Variants in PCM1 observed in about 807,000 individuals in gnomAD.
PCM1 encodes pericentriolar material 1.
PCM1 carries 157 observed loss-of-function variants against 241.9 expected under a neutral mutation model. That is an observed-to-expected ratio of 0.65 (90% CI 0.57 to 0.74). The LOEUF (loss-of-function observed/expected upper bound fraction) is 0.74, where lower values mean the gene tolerates loss of function less well. Ranked by LOEUF, PCM1 falls within the 30% of genes least tolerant of loss-of-function variation. The pLI is 0.00. For synonymous variants in PCM1, 1,085 were observed against 784.9 expected, an observed-to-expected ratio of 1.38 and a Z score of -6.39; for missense variants, 3,478 against 2,360.1, an observed-to-expected ratio of 1.47 and a Z score of -9.81.
At chr8:18,024,530 G>T (rs928573156) in intron 36 of PCM1, among the ~76,000 whole-genome samples, 2 of 152,060 alleles carry the variant, frequency 1.3e-5, no homozygotes, top group African/African-American at 4.8e-5. Context: ...AAAATTACTG[G>T]TTAGATTTAT....
intron 36 of PCM1, 100 bp downstream of exon 36, chr8:18,014,940 T>G (rs2092980225): frequency 9.2e-7 from 1 of 1,089,680 alleles, no homozygotes; most frequent in Admixed American, 2.6e-5. Context: ...CATTTTGTGT[T>G]TAGGTTTAGA....
At chr8:17,955,396 C>A in intron 9 of PCM1, 74 bp from the exon 10 acceptor site, 1 of 1,016,710 alleles carries the variant, frequency 9.8e-7, no homozygotes, top group Non-Finnish European at 1.4e-6. Flanking sequence ...TTTTCAATAT[C>A]CAAGCCAACT....
chr8:17,991,932 T>C (rs1173067576), intron 28 of PCM1, among the ~76,000 whole-genome samples: 2 of 152,176 alleles, frequency 1.3e-5, no homozygotes, highest in African/African-American at 4.8e-5. Context: ...TAGCTACCAC[T>C]TATGAGTGAG....
At chr8:18,013,529 G>A (rs924169394) in intron 34 of PCM1, among the ~76,000 whole-genome samples, 2 of 152,260 alleles carry the variant, frequency 1.3e-5, no homozygotes, top group African/African-American at 4.8e-5. Context: ...TTCATCTCCA[G>A]CTCCTGCCCC....
Position 17,940,264 on chromosome 8 carries a change from C to T in PCM1, c.783+403C>T, listed in dbSNP as rs945972106. The T allele has an allele frequency of 1.4e-5, 9 of 620,906 alleles. 1 individual carries two copies. The highest frequency in any genetic ancestry group is 8.1e-5 in the South Asian group (4 of 49,320). 38.5% of individuals were successfully genotyped at this position (620,906 alleles called of 1,614,324 possible). A position where few individuals can be genotyped will look rare whatever the true frequency, so the allele number is the denominator to read the frequency against. On this transcript the variant is annotated intron_variant, in intron 6 of 38. Coordinates refer to ENST00000325083, the MANE Select transcript of PCM1 (RefSeq NM_006197.4). ...GGCGTTCCTTAATGAAAAGTGTATTCCAGGGAAGAACCCCTCAAATTGTTA... is the reference window on the plus strand; with the variant it reads ...GGCGTTCCTTAATGAAAAGTGTATTTCAGGGAAGAACCCCTCAAATTGTTA...
chr8:17,980,269 C>T (rs1016640330), intron 23 of PCM1: 6 of 188,380 alleles, frequency 3.2e-5, no homozygotes, highest in Non-Finnish European at 6.5e-5. Context: ...TCTTATGTCT[C>T]CTAATATTAA....
intron 29 of PCM1, 26 bp from the exon 30 acceptor site, chr8:18,006,237 T>A: frequency 6.4e-7 from 1 of 1,566,866 alleles, no homozygotes; most frequent in Non-Finnish European, 8.7e-7. Flanking sequence ...TAAGTTTATA[T>A]TCTAACCAAC....
At chr8:17,942,981 A>G (rs1456285331) in intron 6 of PCM1, among the ~76,000 whole-genome samples, 1 of 144,104 alleles carries the variant, frequency 6.9e-6, no homozygotes, top group Non-Finnish European at 1.5e-5. Context: ...TGGGTGACAG[A>G]ACGAGACTCT....
intron 2 of PCM1, among the ~76,000 whole-genome samples, chr8:17,934,423 G>A (rs191602525): frequency 6.6e-6 from 1 of 151,828 alleles, no homozygotes; most frequent in East Asian, 1.9e-4. Context: ...CACCACACCC[G>A]GCTAATTTTG....
At chr8:17,941,114 C>G (rs760224446) in intron 6 of PCM1, among the ~76,000 whole-genome samples, 3 of 152,192 alleles carry the variant, frequency 2.0e-5, no homozygotes, top group Non-Finnish European at 2.9e-5. Context: ...ACTTAGAGAG[C>G]CTGATCCAAA....
At chr8:17,974,677 G>C (rs1435415491) in intron 23 of PCM1, among the ~76,000 whole-genome samples, 1 of 151,960 alleles carries the variant, frequency 6.6e-6, no homozygotes, top group East Asian at 1.9e-4. Context: ...CTTTATTCTC[G>C]GGAATTACTT....
chr8:17,979,397 C>T (rs1246220415), intron 23 of PCM1, among the ~76,000 whole-genome samples: 1 of 152,064 alleles, frequency 6.6e-6, no homozygotes, highest in South Asian at 2.1e-4. Flanking sequence ...TAAGAAAGCC[C>T]AAGAGATACT....
At position 17,962,119 on chromosome 8, in the gene PCM1, C is replaced by G. The variant is rs182841838; in HGVS notation, c.2408C>G (p.Thr803Ser). The part of the protein sequence containing the change: ...TSTPTVNQHE[T>S]STSKSVFEPE... ...ACCCCAACTGTTAATCAACACGAGA[C>G]CAGTACAAGCAAATCTGTTTTTGAG... The change falls in exon 16 of 39, where the codon ACC (threonine) becomes AGC (serine). Residue 803 changes from threonine (T) to serine (S), a missense_variant. By Grantham distance (58) the Thr-to-Ser change is moderately conservative. Coordinates refer to ENST00000325083, the MANE Select transcript of PCM1 (RefSeq NM_006197.4). The G allele has an allele frequency of 2.2e-4, 359 of 1,610,332 alleles. No homozygotes were observed. The highest frequency in any genetic ancestry group is 1.1e-3 in the Admixed American group (65 of 59,630).
At position 17,960,148 on chromosome 8, in the gene PCM1, A is replaced by C. The variant is rs34771733; in HGVS notation, c.2175A>C (p.Gly725=). The C allele has an allele frequency of 0.037, 57,841 of 1,576,174 alleles. 1,311 individuals carry two copies. Among genetic ancestry groups the C allele is most frequent in the Non-Finnish European group, 0.043 (49,401 of 1,160,996 alleles). Residue 725 remains glycine (G), a synonymous_variant, in exon 14 of 39, where the codon GGA becomes GGC. Coordinates refer to ENST00000325083, the MANE Select transcript of PCM1 (RefSeq NM_006197.4). ...CCAATAAAACACAGAAAGATACTGGAGTAAATGAAAAGGCAAGGTATGTTA... is the reference window on the plus strand; with the variant it reads ...CCAATAAAACACAGAAAGATACTGGCGTAAATGAAAAGGCAAGGTATGTTA... The part of the protein sequence containing the change: ...GNANKTQKDT[G]VNEKAREKFY...
chr8:18,028,504 ATAG>A lies in PCM1; in HGVS notation c.*845_*847del. 5.0e-6 allele frequency: 1 copy of A among 200,094 alleles called. No homozygotes were observed. The highest frequency in any genetic ancestry group is 2.3e-5 in the African/African-American group (1 of 43,628). 12.4% of individuals were successfully genotyped at this position (200,094 alleles called of 1,614,324 possible). On this transcript the variant is annotated 3_prime_UTR_variant, in exon 39 of 39. Transcript: ENST00000325083. Reference sequence around the variant, plus strand: ...TAAATAATACAACTAAATTTCTGTAATAGTAAGATTCTGTATGCCTTCAGATAA... The same window carrying A: ...TAAATAATACAACTAAATTTCTGTAATAAGATTCTGTATGCCTTCAGATAA...
At chr8:17,993,887 T>G (rs2085660512) in intron 29 of PCM1, among the ~76,000 whole-genome samples, 2 of 152,156 alleles carry the variant, frequency 1.3e-5, no homozygotes, top group South Asian at 4.1e-4. Flanking sequence ...ATTTATCACC[T>G]TTATTTTTAG....
chr8:17,923,520 G>C (rs978288619), intron 1 of PCM1, among the ~76,000 whole-genome samples: 11 of 152,194 alleles, frequency 7.2e-5, no homozygotes, highest in African/African-American at 2.4e-4. Flanking sequence ...CCTTGCGGGC[G>C]GAGGAAGCGG....
At chr8:18,002,944 C>G (rs960789074) in intron 29 of PCM1, among the ~76,000 whole-genome samples, 2 of 152,174 alleles carry the variant, frequency 1.3e-5, no homozygotes, top group South Asian at 4.1e-4. Flanking sequence ...GAGTTGTTAG[C>G]ACTTCTGAGG....
Position 17,966,068 on chromosome 8 carries a change from T to C in PCM1, c.2925T>C (p.Asn975=). The C allele has an allele frequency of 6.2e-7, 1 of 1,613,902 alleles. No individual in the cohort carries two copies. Among genetic ancestry groups the C allele is most frequent in the Non-Finnish European group, 8.5e-7 (1 of 1,179,842 alleles). ...CTTTAGCCAAGACAAGGCAACAGAA[T>C]ATCAGCATGCAACGGCAAGAAAACC... is the stretch of plus-strand genomic sequence containing the variant. The part of the protein sequence containing the change: ...YRPLAKTRQQ[N]ISMQRQENLR... The change falls in exon 19 of 39, where the codon AAT becomes AAC. Residue 975 remains asparagine, a synonymous_variant. Transcript: ENST00000325083.
Sources: gnomAD v4.1 joint callset for allele counts (sites outside exome capture counted in the v4.1 genomes callset) on GRCh38, gnomAD v4.1.1 for gene constraint, MANE v1.5 for transcripts, NCBI Gene and HGNC (gene_info 2026-07-23, HGNC 2026-07-21) for gene names.